The following TMEM116 variants were observed in gnomAD, a reference collection of about 807,000 sequenced individuals.
TMEM116 encodes the protein transmembrane protein 116.
In TMEM116, 38 loss-of-function variants were observed where a neutral mutation model predicts 44.3. The ratio of observed to expected loss-of-function variants is 0.86; its 90% CI spans 0.66 to 1.12. The LOEUF is 1.12. TMEM116 is among the 50% of genes most tolerant of loss of function. The pLI, the probability that TMEM116 is intolerant of heterozygous loss-of-function variation, is 0.00. For synonymous variants in TMEM116, 132 were observed against 144.8 expected (o/e 0.91, Z 0.64); for missense variants, 354 against 401.7 (o/e 0.88, Z 1.01).
At chr12:111,977,209 C>G (rs548554868) in intron 4 of TMEM116, among the ~76,000 whole-genome samples, 1 of 151,998 alleles carries the variant, frequency 6.6e-6, no homozygotes, top group Non-Finnish European at 1.5e-5. Context: ...AGAGAAAAAT[C>G]TAGAAAGAAA....
At chr12:111,994,034 G>A (rs2076781169) in intron 3 of TMEM116, among the ~76,000 whole-genome samples, 1 of 152,170 alleles carries the variant, frequency 6.6e-6, no homozygotes, top group Non-Finnish European at 1.5e-5. Flanking sequence ...CAGAATCTCT[G>A]AAGAAGCAGC....
chr12:111,985,862 G>A (rs573086047), intron 4 of TMEM116, among the ~76,000 whole-genome samples: 4 of 152,188 alleles, frequency 2.6e-5, no homozygotes, highest in East Asian at 1.9e-4. Context: ...TTCCCAAAGC[G>A]CTGGGATTGT....
Position 111,938,147 on chromosome 12 carries a change from A to T in TMEM116, c.365+14T>A. The T allele has an allele frequency of 6.3e-7, 1 of 1,585,300 alleles. No individual in the cohort carries two copies. The highest frequency in any genetic ancestry group is 1.2e-5 in the South Asian group (1 of 86,946). On this transcript the variant is annotated intron_variant, in intron 6 of 10. Transcript: ENST00000552374. ...GAGTCTACACCTCGCTAAGAAGTAAAGAAAAAATTTTACCTTGAGAAAACA... is the reference window on the plus strand; with the variant it reads ...GAGTCTACACCTCGCTAAGAAGTAATGAAAAAATTTTACCTTGAGAAAACA...
chr12:111,981,791 T>C (rs2075957688), intron 4 of TMEM116, among the ~76,000 whole-genome samples: 1 of 152,152 alleles, frequency 6.6e-6, no homozygotes, highest in South Asian at 2.1e-4. Flanking sequence ...TAAGTGTCCA[T>C]CAATAGATGA....
In TMEM116 at chr12:111,931,709, A is replaced by C. The variant is rs2071653896; in HGVS notation, c.926T>G (p.Leu309Ter). Residue 309 changes from leucine (L) to a stop codon, truncating the protein, a stop_gained, in exon 11 of 11, where the codon TTA (leucine) becomes TGA (stop). Transcript: ENST00000552374. LOFTEE classifies it high-confidence loss of function. Reference protein sequence around the residue: ...RRDADTQTPLLCSQKRFYSRG... With the variant: ...RRDADTQTPL ...GCTATAGAATCTCTTCTGTGAGCAT[A>C]ATAATGGTGTCTGGGTATCTGCATC... 1.2e-6 allele frequency: 2 copies of C among 1,613,838 alleles called. No individual in the cohort carries two copies. The highest frequency in any genetic ancestry group is 3.3e-5 in the Admixed American group (2 of 59,952).
chr12:111,944,583 G>A (rs1212527973), intron 4 of TMEM116, among the ~76,000 whole-genome samples: 1 of 152,156 alleles, frequency 6.6e-6, no homozygotes, highest in African/African-American at 2.4e-5. Flanking sequence ...AGTTTGGGAG[G>A]CCAAGGCAGC....
At chr12:111,951,429 A>G (rs1301974085) in intron 4 of TMEM116, among the ~76,000 whole-genome samples, 5 of 152,260 alleles carry the variant, frequency 3.3e-5, no homozygotes, top group South Asian at 2.1e-4. Flanking sequence ...ATGTCCATCA[A>G]TGGTAGACTG....
At chr12:111,978,147 A>G (rs1033305588) in intron 4 of TMEM116, among the ~76,000 whole-genome samples, 1 of 151,754 alleles carries the variant, frequency 6.6e-6, no homozygotes, top group African/African-American at 2.4e-5. Flanking sequence ...CACGCCTGTA[A>G]TCCCAGCACT....
chr12:112,000,609 C>T (rs1212126625), intron 3 of TMEM116: 2 of 347,462 alleles, frequency 5.8e-6, no homozygotes, highest in South Asian at 2.3e-5. Flanking sequence ...TTACTGCAGT[C>T]TTACTTACTT....
At chr12:111,960,986 G>C (rs983000688) in intron 4 of TMEM116, among the ~76,000 whole-genome samples, 16 of 152,112 alleles carry the variant, frequency 1.1e-4, no homozygotes, top group African/African-American at 2.9e-4. Flanking sequence ...AAATGATAAA[G>C]GGGATGTCAC....
At chr12:112,008,417 T>C (rs532618575) in intron 1 of TMEM116, among the ~76,000 whole-genome samples, 75 of 151,516 alleles carry the variant, frequency 4.9e-4, no homozygotes, top group Non-Finnish European at 8.8e-4. Flanking sequence ...GAGGCGGAAG[T>C]TGTAGTGAGC....
At chr12:111,933,814 G>T (rs1418477358) in intron 9 of TMEM116, 72 bp downstream of exon 9, 3 of 1,581,516 alleles carry the variant, frequency 1.9e-6, no homozygotes, top group South Asian at 1.2e-5. Context: ...CCTTCTTAGT[G>T]AGACCACTTT....
chr12:111,983,200 C>A lies in TMEM116; in HGVS notation c.210+8558G>T, dbSNP rs117955224. Among the ~76,000 whole-genome samples, 3 of 152,102 alleles carry A rather than the reference C, an allele frequency of 2.0e-5. No homozygotes were observed. In the East Asian group the frequency reaches 5.8e-4, roughly 29 times the overall value. The stretch of plus-strand genomic sequence containing the variant: ...TGCCTGTAATCCCAGCACTGAGAGG[C>A]TAAGGCAGGCAGATCACCTGGGGTC... On this transcript the variant is annotated intron_variant, in intron 4 of 10. Coordinates refer to ENST00000552374, the MANE Select transcript of TMEM116 (RefSeq NM_001193531.2).
At chr12:112,002,179 T>A (rs1315502266) in intron 3 of TMEM116, among the ~76,000 whole-genome samples, 1 of 152,072 alleles carries the variant, frequency 6.6e-6, no homozygotes, top group Non-Finnish European at 1.5e-5. Flanking sequence ...ATCCTTGCTC[T>A]TGGCCAGGCA....
At chr12:111,938,397 A>G (rs898285751) in intron 5 of TMEM116, among the ~76,000 whole-genome samples, 187 bp from the exon 6 acceptor site, 3 of 152,180 alleles carry the variant, frequency 2.0e-5, no homozygotes, top group African/African-American at 7.2e-5. Context: ...ATATAATAGA[A>G]TTTTATCTCT....
chr12:111,993,029 C>A, intron 3 of TMEM116: 1 of 169,762 alleles, frequency 5.9e-6, no homozygotes, highest in Non-Finnish European at 1.3e-5. Context: ...GGGTGAACTC[C>A]TTCAATGTGC....
intron 1 of TMEM116, 169 bp from the exon 2 acceptor site, chr12:112,005,472 C>T: frequency 2.0e-6 from 1 of 502,244 alleles, no homozygotes; most frequent in Non-Finnish European, 3.1e-6. Flanking sequence ...CCTGGAAAGA[C>T]AAGGTGCTCC....
chr12:111,998,477 C>A (rs1349407473), intron 3 of TMEM116, among the ~76,000 whole-genome samples: 1 of 152,170 alleles, frequency 6.6e-6, no homozygotes, highest in Non-Finnish European at 1.5e-5. Context: ...AGAAAAGCAG[C>A]CATGCAGCTT....
At chr12:111,998,385 GCTTCTCGA>G (rs1458181288) in intron 3 of TMEM116, among the ~76,000 whole-genome samples, 2 of 152,140 alleles carry the variant, frequency 1.3e-5, no homozygotes, top group African/African-American at 4.8e-5. Context: ...GTTCCCCTTG[GCTTCTCGA>G]CTCCAATTTA....
Sources: gnomAD v4.1 joint callset for allele counts (sites outside exome capture counted in the v4.1 genomes callset) on GRCh38, gnomAD v4.1.1 for gene constraint, MANE v1.5 for transcripts, NCBI Gene and HGNC (gene_info 2026-07-23, HGNC 2026-07-21) for gene names.